The following CHMP5 variants were observed in gnomAD, a reference collection of about 807,000 sequenced individuals.
CHMP5 encodes charged multivesicular body protein 5.
CHMP5 carries 17 observed loss-of-function variants against 33.0 expected under a neutral mutation model. The ratio of observed to expected loss-of-function variants is 0.52; its 90% confidence interval spans 0.35 to 0.77. The LOEUF is 0.77. Ranked by LOEUF, CHMP5 falls within the 30% of genes least tolerant of loss-of-function variation. The pLI is 0.01. For synonymous variants in CHMP5, 76 were observed against 90.2 expected, an observed-to-expected ratio of 0.84 and a Z score of 0.89; for missense variants, 216 against 261.5, an observed-to-expected ratio of 0.83 and a Z score of 1.20.
intron 3 of CHMP5, among the ~76,000 whole-genome samples, chr9:33,269,805 C>G (rs1050912027): frequency 5.3e-5 from 8 of 151,980 alleles, no homozygotes; most frequent in Non-Finnish European, 1.2e-4. Context: ...AAGAACCCGT[C>G]TCTACTAAAA....
Position 33,270,609 on chromosome 9 carries a change from T to C in CHMP5, c.222-14T>C. The C allele has an allele frequency of 6.2e-7, 1 of 1,606,380 alleles. No individual in the cohort carries two copies. Among genetic ancestry groups the C allele is most frequent in the South Asian group, 1.1e-5 (1 of 90,844 alleles). On this transcript the variant is annotated splice_polypyrimidine_tract_variant and intron_variant, in intron 3 of 7. Coordinates refer to ENST00000223500, the MANE Select transcript of CHMP5 (RefSeq NM_016410.6). ...TGGTTCATATATTTGCCATTCTCAA[T>C]TGACTCTAAAAAGGTATGAGCAGCA...
intron 4 of CHMP5, 40 bp from the exon 5 acceptor site, chr9:33,271,112 G>T: frequency 7.1e-7 from 1 of 1,409,082 alleles, no homozygotes; most frequent in South Asian, 1.2e-5. Context: ...TAACCAACAT[G>T]ACTTACTAAA....
At chr9:33,273,329 T>C (rs1820817123) in intron 5 of CHMP5, among the ~76,000 whole-genome samples, 1 of 152,302 alleles carries the variant, frequency 6.6e-6, no homozygotes, top group African/African-American at 2.4e-5. Flanking sequence ...GCAATGGTAT[T>C]TTCTGCTTTT....
Position 33,276,333 on chromosome 9 carries a change from AT to A in CHMP5, c.388-119del, listed in dbSNP as rs1820854140. 8 of 597,710 alleles carry A rather than the reference AT, an allele frequency of 1.3e-5. No homozygotes were observed. The Admixed American group carries it at 2.5e-4, about 19-fold the overall frequency. The allele number at this position is 597,710 out of a possible 1,614,324, so 37.0% of individuals were successfully genotyped here. On this transcript the variant is annotated intron_variant, in intron 5 of 7. Coordinates refer to ENST00000223500, the MANE Select transcript of CHMP5 (RefSeq NM_016410.6). ...GTTGAGAACTGTTTATGTGCTTGGC[AT>A]TTTATATACATTATCTTTTTAAAAA... is the stretch of plus-strand genomic sequence containing the variant.
chr9:33,275,266 C>T (rs1820839364), intron 5 of CHMP5, among the ~76,000 whole-genome samples: 1 of 152,172 alleles, frequency 6.6e-6, no homozygotes, highest in African/African-American at 2.4e-5. Flanking sequence ...AGACAGACAT[C>T]CTGGAACCAA....
intron 5 of CHMP5, among the ~76,000 whole-genome samples, chr9:33,275,748 GCCTATAATC>G (rs1820847077): frequency 6.6e-6 from 1 of 152,200 alleles, no homozygotes; most frequent in Non-Finnish European, 1.5e-5. Flanking sequence ...AGTAGCTCAT[GCCTATAATC>G]CCAGCACTTT....
intron 5 of CHMP5, among the ~76,000 whole-genome samples, chr9:33,275,200 G>A (rs550176845): frequency 1.3e-5 from 2 of 152,300 alleles, no homozygotes; most frequent in Admixed American, 6.5e-5. Context: ...TGCAGGATGC[G>A]AAACCACCCA....
At position 33,270,616 on chromosome 9, in the gene CHMP5, T is replaced by TA. The variant is rs1490695211; in HGVS notation, c.222-2dup. 3.7e-6 allele frequency: 6 copies of TA among 1,612,314 alleles called. No homozygotes were observed. Among genetic ancestry groups the TA allele is most frequent in the Non-Finnish European group, 4.2e-6 (5 of 1,178,498 alleles). ...TATATTTGCCATTCTCAATTGACTC[T>TA]AAAAAGGTATGAGCAGCAGCGGGAC... On this transcript the variant is annotated splice_region_variant and splice_polypyrimidine_tract_variant and intron_variant, in intron 3 of 7. Coordinates refer to ENST00000223500, the MANE Select transcript of CHMP5 (RefSeq NM_016410.6).
rs569204656 is a variant in CHMP5, at chr9:33,272,620, C to T, written c.387+1397C>T. Among the ~76,000 whole-genome samples the T allele has an allele frequency of 1.2e-3, 177 of 152,034 alleles. 1 individual carries two copies. Among genetic ancestry groups the T allele is most frequent in the Non-Finnish European group, 2.0e-3 (134 of 67,970 alleles). On this transcript the variant is annotated intron_variant, in intron 5 of 7. Transcript: ENST00000223500. ...GAGATCAAGACCATCCTGGCTAACA[C>T]GGTGAAACCCTGTCTCTACCAAAAA... is the stretch of plus-strand genomic sequence containing the variant.
intron 4 of CHMP5, 34 bp from the exon 5 acceptor site, chr9:33,271,118 C>A: frequency 2.7e-6 from 4 of 1,488,484 alleles, no homozygotes; most frequent in Non-Finnish European, 3.8e-6. Context: ...ACATGACTTA[C>A]TAAAACATTG....
chr9:33,270,804 A>T, intron 4 of CHMP5, 88 bp downstream of exon 4: 1 of 1,119,526 alleles, frequency 8.9e-7, no homozygotes, highest in Non-Finnish European at 1.3e-6. Flanking sequence ...TTAACCAGCC[A>T]GGCACAGTGG....
Position 33,270,736 on chromosome 9 carries a change from T to A in CHMP5, c.315+20T>A, listed in dbSNP as rs1402576733. 18 of 1,542,304 alleles carry A rather than the reference T, an allele frequency of 1.2e-5. No homozygotes were observed. Among genetic ancestry groups the A allele is most frequent in the Non-Finnish European group, 1.6e-5 (18 of 1,116,002 alleles). On this transcript the variant is annotated intron_variant, in intron 4 of 7. Coordinates refer to ENST00000223500, the MANE Select transcript of CHMP5 (RefSeq NM_016410.6). ...ACCACGGTACTCCCAAAACACCTTTTCCTGTTATTTCATGTATTTATTCTT... is the reference window on the plus strand; with the variant it reads ...ACCACGGTACTCCCAAAACACCTTTACCTGTTATTTCATGTATTTATTCTT...
chr9:33,265,739 A>G (rs111482314), intron 1 of CHMP5, among the ~76,000 whole-genome samples: 7 of 152,254 alleles, frequency 4.6e-5, no homozygotes, highest in African/African-American at 1.2e-4. Context: ...GGAAATTCCA[A>G]CTCAACTCAG....
chr9:33,266,100 G>C lies in CHMP5; in HGVS notation c.160G>C (p.Glu54Gln). The C allele has an allele frequency of 6.2e-7, 1 of 1,611,370 alleles. No individual in the cohort carries two copies. The highest frequency in any genetic ancestry group is 8.5e-7 in the Non-Finnish European group (1 of 1,177,812). ...KYKDQIKKMR[E>Q]GPAKNMVKQK... The stretch of plus-strand genomic sequence containing the variant: ...TAAGGATCAGATCAAGAAGATGAGA[G>C]AGGGTCCTGCAAAGGTAAGGTGGGC... Residue 54 changes from glutamate to glutamine, a missense_variant, in exon 2 of 8, where the codon GAG becomes CAG. By Grantham distance (29) the Glu-to-Gln change is conservative. Transcript: ENST00000223500.
chr9:33,272,685 T>A (rs574696246), intron 5 of CHMP5, among the ~76,000 whole-genome samples: 2 of 152,134 alleles, frequency 1.3e-5, no homozygotes, highest in South Asian at 4.2e-4. Flanking sequence ...GTGCCTGTAG[T>A]CCCAGCTGTT....
chr9:33,270,534 T>A (rs1345998214), intron 3 of CHMP5, 89 bp from the exon 4 acceptor site: 16 of 1,053,180 alleles, frequency 1.5e-5, no homozygotes, highest in Middle Eastern at 2.2e-4. Flanking sequence ...GTTTTTTTTT[T>A]AAATACTCTT....
chr9:33,277,281 T>C (rs1820867622), intron 6 of CHMP5, among the ~76,000 whole-genome samples: 1 of 151,956 alleles, frequency 6.6e-6, no homozygotes, highest in Admixed American at 6.6e-5. Flanking sequence ...GGTGGGAATT[T>C]AGCACTGAAT....
intron 5 of CHMP5, among the ~76,000 whole-genome samples, chr9:33,272,650 A>G (rs1820808479): frequency 1.3e-5 from 2 of 152,128 alleles, no homozygotes; most frequent in Admixed American, 6.6e-5. Flanking sequence ...CAAAAATACA[A>G]AAAATTAGCC....
At position 33,266,306 on chromosome 9, in the gene CHMP5, A is replaced by G. The variant is rs562192724; in HGVS notation, c.174+192A>G. On this transcript the variant is annotated intron_variant, in intron 2 of 7. Transcript: ENST00000223500. ...GCCAACATAGCGAAACCCTGTCTCT[A>G]CTGAAAATACAAAAACTTAGCTGGG... Among the ~76,000 whole-genome samples the G allele has an allele frequency of 4.6e-5, 7 of 152,284 alleles. No homozygotes were observed. The East Asian group carries it at 1.3e-3, about 29-fold the overall frequency.
Sources: allele counts gnomAD v4.1 joint callset (sites outside exome capture counted in the v4.1 genomes callset), GRCh38; gene constraint gnomAD v4.1.1; transcripts MANE v1.5; gene names NCBI Gene and HGNC (gene_info 2026-07-23, HGNC 2026-07-21).